The following FAM47A variants were observed in gnomAD, a reference collection of about 807,000 sequenced individuals.
FAM47A encodes the protein protein FAM47A.
Under a neutral mutation model 2.6 loss-of-function variants are expected in FAM47A, and 1 was observed. The ratio of observed to expected loss-of-function variants is 0.39; its 90% CI spans 0.14 to 1.83. The LOEUF is 1.83. Ranked by LOEUF, FAM47A falls within the 40% of genes most tolerant of loss-of-function variation. The pLI is 0.32. For missense variants in FAM47A, 657 were observed against 673.1 expected (o/e 0.98, Z 0.26); for synonymous variants, 278 against 270.1 (o/e 1.03, Z -0.29).
chrX:34,131,235 G>A lies in FAM47A; in HGVS notation c.1044C>T (p.Ser348=). The A allele has an allele frequency of 8.3e-7, 1 of 1,209,940 alleles. No homozygotes were observed. Among genetic ancestry groups the A allele is most frequent in the South Asian group, 1.8e-5 (1 of 56,791 alleles). Residue 348 remains serine (S), a synonymous_variant, in exon 1 of 1, where the codon TCC becomes TCT. Transcript: ENST00000346193. ...TCTCGGAAGGCTCCGAGCGGAGACT[G>A]GACCCCCGACGAGTCTTGGAATGCT... The part of the protein sequence containing the change: ...RLEHSKTRRG[S]SLRSEPSETG...
At position 34,130,410 on chromosome X, in the gene FAM47A, T is replaced by C. The variant is rs771208745; in HGVS notation, c.1869A>G (p.Glu623=). Residue 623 remains glutamate (E), a synonymous_variant, in exon 1 of 1, where the codon GAA becomes GAG. Coordinates refer to ENST00000346193, the MANE Select transcript of FAM47A (RefSeq NM_203408.4). The part of the protein sequence containing the change: ...KWAGDLGADE[E]SIRNLFDFTP... ...TAAAGTCAAACAGATTCCTGATGGA[T>C]TCTTCATCAGCTCCCAGGTCTCCAG... 4.1e-6 allele frequency: 5 copies of C among 1,211,831 alleles called. No individual in the cohort carries two copies. The highest frequency in any genetic ancestry group is 5.6e-6 in the Non-Finnish European group (5 of 895,503).
Position 34,131,121 on chromosome X carries a change from A to G in FAM47A, c.1158T>C (p.His386=), listed in dbSNP as rs754658690. ...CAGTCTTGGGAGGCTCCGGGCTGAG[A>G]TGGGACACTCCAGTCTTGGAAGGCT... The part of the protein sequence containing the change: ...HAEPSKTGVS[H]LSPEPPKTEV... The change falls in exon 1 of 1, where the codon CAT becomes CAC. Residue 386 remains histidine (H), a synonymous_variant. Coordinates refer to ENST00000346193, the MANE Select transcript of FAM47A (RefSeq NM_203408.4). 1.2e-5 allele frequency: 14 copies of G among 1,195,067 alleles called. No homozygotes were observed. The highest frequency in any genetic ancestry group is 1.3e-5 in the Non-Finnish European group (12 of 888,916).
chrX:34,131,368 C>T lies in FAM47A; in HGVS notation c.911G>A (p.Arg304Gln), dbSNP rs568669965. The T allele has an allele frequency of 1.2e-5, 14 of 1,188,796 alleles. No individual in the cohort carries two copies. The highest frequency in any genetic ancestry group is 1.9e-5 in the African/African-American group (1 of 51,366). ...GKYPCGKFCP[R>Q]PFETPLSHLR... ...ATGGGACAGTGGAGTCTCGAAAGGC[C>T]GAGGACAGAATTTCCCACAAGGGTA... The change falls in exon 1 of 1, where the codon CGG becomes CAG. Residue 304 changes from arginine to glutamine, a missense_variant. Transcript: ENST00000346193.
In FAM47A at chrX:34,130,910, C is replaced by T. The variant is rs1479912221; in HGVS notation, c.1369G>A (p.Glu457Lys). Residue 457 changes from glutamate to lysine, a missense_variant, in exon 1 of 1, where the codon GAG (glutamate) becomes AAG (lysine). Around this residue, in one of 3 missense-constraint regions of FAM47A, gnomAD observed 436 missense variants for 414.1 expected, o/e 1.05. Transcript: ENST00000346193. Reference protein sequence around the residue: ...ARVKKTKEPTEPHKSPCGEPC... With the variant: ...ARVKKTKEPTKPHKSPCGEPC... ...TCCCCACAAGGGGATTTATGAGGCT[C>T]GGTGGGTTCCTTAGTTTTCTTCACC... is the stretch of plus-strand genomic sequence containing the variant. 4.1e-6 allele frequency: 5 copies of T among 1,205,458 alleles called. No homozygotes were observed. The highest frequency in any genetic ancestry group is 1.8e-5 in the South Asian group (1 of 56,422).
At position 34,130,457 on chromosome X, in the gene FAM47A, G is replaced by C; in HGVS notation, c.1822C>G (p.Leu608Val). The C allele has an allele frequency of 8.3e-7, 1 of 1,211,447 alleles. No individual in the cohort carries two copies. Among genetic ancestry groups the C allele is most frequent in the Non-Finnish European group, 1.1e-6 (1 of 895,467 alleles). Residue 608 changes from leucine to valine, a missense_variant, in exon 1 of 1, where the codon CTC becomes GTC. Physicochemically the swap from Leu to Val is conservative, Grantham distance 32. This residue lies in a region of FAM47A where 198 missense variants were observed against 203.4 expected (regional missense o/e 0.97). Coordinates refer to ENST00000346193, the MANE Select transcript of FAM47A (RefSeq NM_203408.4). Reference sequence around the variant, plus strand: ...CCAGCCCACTTGAAGAATTCACGGAGTTTTTCCGATGTGTATCTATATTGA... The same window carrying C: ...CCAGCCCACTTGAAGAATTCACGGACTTTTTCCGATGTGTATCTATATTGA... ...SLQYRYTSEK[L>V]REFFKWAGDL...
chrX:34,130,568 C>T lies in FAM47A; in HGVS notation c.1711G>A (p.Glu571Lys). 1 of 1,211,429 alleles carries T rather than the reference C, an allele frequency of 8.3e-7. No homozygotes were observed. The highest frequency in any genetic ancestry group is 1.1e-6 in the Non-Finnish European group (1 of 895,472). Residue 571 changes from glutamate (E) to lysine (K), a missense_variant, in exon 1 of 1, where the codon GAG becomes AAG. Around this residue, in one of 3 missense-constraint regions of FAM47A, gnomAD observed 198 missense variants for 203.4 expected, o/e 0.97. Coordinates refer to ENST00000346193, the MANE Select transcript of FAM47A (RefSeq NM_203408.4). The part of the protein sequence containing the change: ...PKAPESHQFS[E>K]PPKIRASYIK... ...TAGGATGCTCGAATCTTGGGAGGCT[C>T]CGAGAATTGATGGGACTCTGGAGCT...
In FAM47A at chrX:34,132,285, C is replaced by T; in HGVS notation, c.-7G>A. On this transcript the variant is annotated 5_prime_UTR_variant, in exon 1 of 1. Transcript: ENST00000346193. ...GCAGCCTCTGGTCCCCCATGGTGGC[C>T]CTCGCTGTGGTGCCACGTCTCCAGC... is the stretch of plus-strand genomic sequence containing the variant. 8.7e-7 allele frequency: 1 copy of T among 1,153,308 alleles called. No individual in the cohort carries two copies. The highest frequency in any genetic ancestry group is 1.2e-6 in the Non-Finnish European group (1 of 867,928).
chrX:34,131,060 C>A lies in FAM47A; in HGVS notation c.1219G>T (p.Gly407Ter). Reference sequence around the variant, plus strand: ...GGTTCCAGGCGGAGATGGCACACTCCAGTCTTGGGAGGCACTGGGTGGAGA... The same window carrying A: ...GGTTCCAGGCGGAGATGGCACACTCAAGTCTTGGGAGGCACTGGGTGGAGA... ...SHLHPVPPKTGVCHLRLEPPD... is the reference protein window; with the variant it reads ...SHLHPVPPKT The change falls in exon 1 of 1, where the codon GGA (glycine) becomes TGA (stop). Residue 407 changes from glycine (G) to a stop codon, truncating the protein, a stop_gained. Transcript: ENST00000346193. LOFTEE classifies it low-confidence loss of function (END_TRUNC). 1 of 1,190,531 alleles carries A rather than the reference C, an allele frequency of 8.4e-7. No homozygotes were observed.
In FAM47A at chrX:34,130,739, TCCGACGAG is replaced by T; in HGVS notation, c.1532_1539del (p.Thr511AsnfsTer84). On this transcript the variant is annotated frameshift_variant, in exon 1 of 1. Transcript: ENST00000346193. LOFTEE classifies it low-confidence loss of function (END_TRUNC). The stretch of plus-strand genomic sequence containing the variant: ...GGAGGCTCCGAGCGGAGACTGGACG[TCCGACGAG>T]TCTTGGGAGGCTCCGAGCGGAGACT... The T allele has an allele frequency of 8.6e-7, 1 of 1,168,364 alleles. No individual in the cohort carries two copies. Among genetic ancestry groups the T allele is most frequent in the Non-Finnish European group, 1.1e-6 (1 of 872,324 alleles).
In FAM47A at chrX:34,130,543, T is replaced by C; in HGVS notation, c.1736A>G (p.Tyr579Cys). The C allele has an allele frequency of 8.3e-7, 1 of 1,211,607 alleles. No individual in the cohort carries two copies. The highest frequency in any genetic ancestry group is 1.1e-6 in the Non-Finnish European group (1 of 895,507). ...FSEPPKIRASYIKELLQEDTP... is the reference protein window; with the variant it reads ...FSEPPKIRASCIKELLQEDTP... ...ATCTTCCTGAAGCAGTTCTTTTATGTAGGATGCTCGAATCTTGGGAGGCTC... is the reference window on the plus strand; with the variant it reads ...ATCTTCCTGAAGCAGTTCTTTTATGCAGGATGCTCGAATCTTGGGAGGCTC... Residue 579 changes from tyrosine to cysteine, a missense_variant, in exon 1 of 1, where the codon TAC becomes TGC. Coordinates refer to ENST00000346193, the MANE Select transcript of FAM47A (RefSeq NM_203408.4).
chrX:34,131,927 C>T lies in FAM47A; in HGVS notation c.352G>A (p.Val118Ile). The T allele has an allele frequency of 8.3e-7, 1 of 1,210,441 alleles. No individual in the cohort carries two copies. The highest frequency in any genetic ancestry group is 3.0e-5 in the East Asian group (1 of 33,771). ...SPAQLARKAFVEQVEAQLMAK... is the reference protein window; with the variant it reads ...SPAQLARKAFIEQVEAQLMAK... The stretch of plus-strand genomic sequence containing the variant: ...ATTAGCTGGGCTTCCACTTGCTCTA[C>T]GAACGCCTTCCGTGCTAGCTGGGCT... The change falls in exon 1 of 1, where the codon GTA becomes ATA. Residue 118 changes from valine (V) to isoleucine (I), a missense_variant. Coordinates refer to ENST00000346193, the MANE Select transcript of FAM47A (RefSeq NM_203408.4).
chrX:34,129,916 G>A lies in FAM47A; in HGVS notation c.2363C>T (p.Ser788Leu). 8.4e-7 allele frequency: 1 copy of A among 1,186,856 alleles called. No homozygotes were observed. The part of the protein sequence containing the change: ...FYKYKEIVEA[S>L]EED Reference sequence around the variant, plus strand: ...ATTGAAAACTGCCTAATCTTCTTCCGATGCCTCTACGATTTCTTTGTACTT... The same window carrying A: ...ATTGAAAACTGCCTAATCTTCTTCCAATGCCTCTACGATTTCTTTGTACTT... The change falls in exon 1 of 1, where the codon TCG (serine) becomes TTG (leucine). Residue 788 changes from serine to leucine, a missense_variant. Transcript: ENST00000346193.
In FAM47A at chrX:34,130,141, G is replaced by C; in HGVS notation, c.2138C>G (p.Pro713Arg). 8.3e-7 allele frequency: 1 copy of C among 1,211,530 alleles called. No homozygotes were observed. The highest frequency in any genetic ancestry group is 1.1e-6 in the Non-Finnish European group (1 of 895,435). The change falls in exon 1 of 1, where the codon CCT (proline) becomes CGT (arginine). Residue 713 changes from proline to arginine, a missense_variant. Physicochemically the swap from Pro to Arg is moderately radical, Grantham distance 103 (BLOSUM62 -2). This residue lies in a region of FAM47A where 198 missense variants were observed against 203.4 expected (regional missense o/e 0.97). Coordinates refer to ENST00000346193, the MANE Select transcript of FAM47A (RefSeq NM_203408.4). ...KLWKKLRSDE[P>R]LIDPKLLLKK... ...AAGTAAGAGCTTGGGGTCAATCAAA[G>C]GTTCATCACTTCTTAGCTTTTTCCA...
In FAM47A at chrX:34,130,978, G is replaced by T; in HGVS notation, c.1301C>A (p.Ser434Tyr). ...CCATACGTCCTTCAGCGTCCTCCCA[G>T]AATCCAGCACTTTCAGTATGTATAG... ...LLLYILKVLD[S>Y]GRTLKDVWDR... Residue 434 changes from serine to tyrosine, a missense_variant, in exon 1 of 1, where the codon TCT (serine) becomes TAT (tyrosine). Transcript: ENST00000346193. 1 of 1,200,097 alleles carries T rather than the reference G, an allele frequency of 8.3e-7. No homozygotes were observed. Among genetic ancestry groups the T allele is most frequent in the Non-Finnish European group, 1.1e-6 (1 of 888,634 alleles).
In FAM47A at chrX:34,131,767, T is replaced by C; in HGVS notation, c.512A>G (p.Lys171Arg). ...DAWACCETQE[K>R]TTEVPTEPGK... ...AGGCTCAGTGGGTACCTCTGTTGTC[T>C]TCTCCTGGGTCTCACAACAAGCCCA... The change falls in exon 1 of 1, where the codon AAG (lysine) becomes AGG (arginine). Residue 171 changes from lysine to arginine, a missense_variant. Transcript: ENST00000346193. 1.7e-6 allele frequency: 2 copies of C among 1,209,383 alleles called. No individual in the cohort carries two copies. Among genetic ancestry groups the C allele is most frequent in the East Asian group, 5.9e-5 (2 of 33,765 alleles).
At position 34,131,678 on chromosome X, in the gene FAM47A, G is replaced by T; in HGVS notation, c.601C>A (p.Pro201Thr). The T allele has an allele frequency of 8.3e-7, 1 of 1,210,060 alleles. No individual in the cohort carries two copies. The highest frequency in any genetic ancestry group is 1.1e-6 in the Non-Finnish European group (1 of 894,834). Residue 201 changes from proline to threonine, a missense_variant, in exon 1 of 1, where the codon CCA becomes ACA. Around this residue, in one of 3 missense-constraint regions of FAM47A, gnomAD observed 436 missense variants for 414.1 expected, o/e 1.05. Coordinates refer to ENST00000346193, the MANE Select transcript of FAM47A (RefSeq NM_203408.4). ...GACACTCCAGTCTCGGGAGGCTCTG[G>T]GAGGAGATGGGACACCGGAGTCTCG... The part of the protein sequence containing the change: ...PPETPVSHLL[P>T]EPPETGVSHL...
Position 34,130,701 on chromosome X carries a change from CCGACGAG to C in FAM47A, c.1571_1577del (p.Thr524ArgfsTer55), listed in dbSNP as rs1922430789. 9.4e-7 allele frequency: 1 copy of C among 1,058,547 alleles called. No individual in the cohort carries two copies. The highest frequency in any genetic ancestry group is 1.3e-6 in the Non-Finnish European group (1 of 791,765). 87.2% of individuals were successfully genotyped at this position (1,058,547 alleles called of 1,213,427 possible). A position where few individuals can be genotyped will look rare whatever the true frequency, so the allele number is the denominator to read the frequency against. Reference sequence around the variant, plus strand: ...GAGGCTCCGGACCGAGACTGGACGTCCGACGAGTCTTGGGAGGCTCCGAGCGGAGACT... The same window carrying C: ...GAGGCTCCGGACCGAGACTGGACGTCTCTTGGGAGGCTCCGAGCGGAGACT... On this transcript the variant is annotated frameshift_variant, in exon 1 of 1. Coordinates refer to ENST00000346193, the MANE Select transcript of FAM47A (RefSeq NM_203408.4). LOFTEE classifies it low-confidence loss of function (END_TRUNC).
chrX:34,131,288 C>T lies in FAM47A; in HGVS notation c.991G>A (p.Glu331Lys). The change falls in exon 1 of 1, where the codon GAG becomes AAG. Residue 331 changes from glutamate to lysine, a missense_variant. Around this residue, in one of 3 missense-constraint regions of FAM47A, gnomAD observed 436 missense variants for 414.1 expected, o/e 1.05. Transcript: ENST00000346193. ...PVSSLRPEPP[E>K]TGESHLRLEH... ...AGGCGGAGATGGGACTCTCCAGTCTCCGGAGGCTCCGGGCGGAGACTGGAC... is the reference window on the plus strand; with the variant it reads ...AGGCGGAGATGGGACTCTCCAGTCTTCGGAGGCTCCGGGCGGAGACTGGAC... 1.7e-6 allele frequency: 2 copies of T among 1,207,828 alleles called. No homozygotes were observed. Among genetic ancestry groups the T allele is most frequent in the Non-Finnish European group, 2.2e-6 (2 of 894,161 alleles).
Position 34,130,467 on chromosome X carries a change from T to C in FAM47A, c.1812A>G (p.Thr604=). 2 of 1,211,133 alleles carry C rather than the reference T, an allele frequency of 1.7e-6. No homozygotes were observed. The highest frequency in any genetic ancestry group is 3.5e-5 in the South Asian group (2 of 56,841). The change falls in exon 1 of 1, where the codon ACA becomes ACG. Residue 604 remains threonine, a synonymous_variant. Transcript: ENST00000346193. The part of the protein sequence containing the change: ...CVSDSLQYRY[T]SEKLREFFKW... ...TGAAGAATTCACGGAGTTTTTCCGA[T>C]GTGTATCTATATTGAAGAGAGTCAG... is the stretch of plus-strand genomic sequence containing the variant.
Sources: allele counts gnomAD v4.1 joint callset, GRCh38; gene constraint gnomAD v4.1.1; regional missense constraint gnomAD v4.1.1; transcripts MANE v1.5; gene names NCBI Gene and HGNC (gene_info 2026-07-23, HGNC 2026-07-21).